CACNA1S: variants seen among roughly 807,000 people sequenced by gnomAD.
CACNA1S encodes the protein voltage-dependent L-type calcium channel subunit alpha-1S.
Under a neutral mutation model 207.4 loss-of-function variants are expected in CACNA1S, and 126 were observed. The ratio of observed to expected loss-of-function variants is 0.61; its 90% confidence interval spans 0.53 to 0.70. The LOEUF is 0.70. Among genes scored for constraint, CACNA1S ranks in the 30% least tolerant of loss-of-function variants. The pLI, the probability that CACNA1S is intolerant of heterozygous loss-of-function variation, is 0.00. For missense variants in CACNA1S, 2,349 were observed against 2,422.8 expected, an observed-to-expected ratio of 0.97 and a Z score of 0.64; for synonymous variants, 960 against 932.7, an observed-to-expected ratio of 1.03 and a Z score of -0.53.
chr1:201,063,570 T>C (rs1661143919), intron 22 of CACNA1S, among the ~76,000 whole-genome samples: 1 of 152,136 alleles, frequency 6.6e-6, no homozygotes, highest in African/African-American at 2.4e-5. Flanking sequence ...ATTACAGGCA[T>C]GAGCCACCGC....
intron 23 of CACNA1S, 130 bp from the exon 24 acceptor site, chr1:201,062,220 CGCT>C: frequency 8.2e-7 from 1 of 1,217,558 alleles, no homozygotes; most frequent in Non-Finnish European, 1.2e-6. Context: ...AAGGGGACAC[CGCT>C]GGGCGAGTCC....
At chr1:201,056,066 GACAGACACACAC>G (rs1660829598) in intron 28 of CACNA1S, among the ~76,000 whole-genome samples, 2 of 68,306 alleles carry the variant, frequency 2.9e-5, no homozygotes, top group African/African-American at 1.2e-4. Flanking sequence ...CAGACAGACA[GACAGACACACAC>G]ACACACACAC....
At chr1:201,088,232 C>G (rs542453751) in intron 6 of CACNA1S, among the ~76,000 whole-genome samples, 2 of 152,270 alleles carry the variant, frequency 1.3e-5, no homozygotes, top group Non-Finnish European at 2.9e-5. Context: ...CTTGATCTCC[C>G]TCATAGACTC....
At position 201,085,141 on chromosome 1, in the gene CACNA1S, A is replaced by T; in HGVS notation, c.1151-110T>A. On this transcript the variant is annotated intron_variant, in intron 8 of 43. Coordinates refer to ENST00000362061, the MANE Select transcript of CACNA1S (RefSeq NM_000069.3). ...CCATTGACCAGAGACATCTGCAACA[A>T]TGGGTCCTAGGTAGGCCTGGATTGC... is the stretch of plus-strand genomic sequence containing the variant. 3.6e-6 allele frequency: 3 copies of T among 826,346 alleles called. No individual in the cohort carries two copies. The South Asian group carries it at 4.1e-5, about 11-fold the overall frequency. The allele number at this position is 826,346 out of a possible 1,614,324, so 51.2% of individuals were successfully genotyped here. A position where few individuals can be genotyped will look rare whatever the true frequency, so the allele number is the denominator to read the frequency against.
At chr1:201,041,359 A>G (rs1268566127) in intron 41 of CACNA1S, 145 bp downstream of exon 41, 59 of 713,810 alleles carry the variant, frequency 8.3e-5, no homozygotes, top group Non-Finnish European at 1.3e-4. Context: ...TGGTTTTCCC[A>G]TTCCAGGGCC....
Position 201,061,302 on chromosome 1 carries a change from T to G in CACNA1S, c.3220A>C (p.Thr1074Pro). 6.2e-7 allele frequency: 1 copy of G among 1,614,094 alleles called. No individual in the cohort carries two copies. The highest frequency in any genetic ancestry group is 8.5e-7 in the Non-Finnish European group (1 of 1,180,026). Residue 1074 changes from threonine to proline, a missense_variant, in exon 25 of 44, where the codon ACT becomes CCT. Transcript: ENST00000362061. ...VIVTFQEQGE[T>P]EYKNCELDKN... The stretch of plus-strand genomic sequence containing the variant: ...TCCAGCTCACAGTTCTTGTACTCAG[T>G]CTCTCCCTGCTCCTGGAAGGTGACA...
In CACNA1S at chr1:201,054,650, G is replaced by T. The variant is rs1660773343; in HGVS notation, c.3610-89C>A. 7.8e-6 allele frequency: 7 copies of T among 896,472 alleles called. No individual in the cohort carries two copies. In the Admixed American group the frequency reaches 1.6e-4, roughly 20 times the overall value. The allele number at this position is 896,472 out of a possible 1,614,324, so 55.5% of individuals were successfully genotyped here. ...GGGAGGTGAAGAGACGTGTCAGAAAGGACAGACACACAGAAGAGTTAAAGA... is the reference window on the plus strand; with the variant it reads ...GGGAGGTGAAGAGACGTGTCAGAAATGACAGACACACAGAAGAGTTAAAGA... On this transcript the variant is annotated intron_variant, in intron 28 of 43. Coordinates refer to ENST00000362061, the MANE Select transcript of CACNA1S (RefSeq NM_000069.3).
chr1:201,062,160 G>T, intron 23 of CACNA1S, 70 bp from the exon 24 acceptor site: 1 of 1,566,896 alleles, frequency 6.4e-7, no homozygotes, highest in Non-Finnish European at 8.7e-7. Context: ...CATCCTCTGG[G>T]CCCTGGGTGG....
At chr1:201,075,103 C>A (rs946373319) in intron 13 of CACNA1S, among the ~76,000 whole-genome samples, 1 of 152,194 alleles carries the variant, frequency 6.6e-6, no homozygotes, top group Non-Finnish European at 1.5e-5. Context: ...CTGGTCCCAG[C>A]GCTCAGACTG....
At chr1:201,077,336 A>T (rs766757542) in intron 11 of CACNA1S, among the ~76,000 whole-genome samples, 2 of 152,228 alleles carry the variant, frequency 1.3e-5, no homozygotes, top group Non-Finnish European at 2.9e-5. Flanking sequence ...ACGCTGGTTA[A>T]TATGACTATT....
chr1:201,083,527 C>T (rs1156435407), intron 9 of CACNA1S, among the ~76,000 whole-genome samples: 1 of 152,196 alleles, frequency 6.6e-6, no homozygotes, highest in Non-Finnish European at 1.5e-5. Flanking sequence ...TGACACAAAC[C>T]TCCGAGGCAA....
chr1:201,078,282 CA>C (rs1427963200), intron 10 of CACNA1S, among the ~76,000 whole-genome samples, 178 bp from the exon 11 acceptor site: 1 of 152,102 alleles, frequency 6.6e-6, no homozygotes, highest in Non-Finnish European at 1.5e-5. Flanking sequence ...AGTGAAGTGG[CA>C]CAATTATGGC....
chr1:201,100,425 G>A (rs1373681296), intron 2 of CACNA1S, among the ~76,000 whole-genome samples: 1 of 152,238 alleles, frequency 6.6e-6, no homozygotes, highest in African/African-American at 2.4e-5. Flanking sequence ...TCAGCCTCCA[G>A]GTTTGGAAGA....
intron 16 of CACNA1S, 38 bp downstream of exon 16, chr1:201,072,717 C>T (rs1219738617): frequency 6.4e-7 from 1 of 1,551,140 alleles, no homozygotes. Context: ...CTACTTCACC[C>T]CAGCACCCTG....
chr1:201,087,477 G>A (rs1480547784), intron 7 of CACNA1S, among the ~76,000 whole-genome samples: 1 of 152,206 alleles, frequency 6.6e-6, no homozygotes, highest in South Asian at 2.1e-4. Context: ...TCACTGAGGA[G>A]TGTCAAAACA....
rs1472962903 is a variant in CACNA1S, at chr1:201,040,742, G to A, written c.5135-29C>T. The A allele has an allele frequency of 1.9e-6, 3 of 1,584,772 alleles. 1 individual carries two copies. The highest frequency in any genetic ancestry group is 3.6e-4 in the Middle Eastern group (2 of 5,550). On this transcript the variant is annotated intron_variant, in intron 41 of 43. Transcript: ENST00000362061. ...TATGCAAGAAGGGGCAAGGATAAGA[G>A]GGGCTGCTGACTCCTGCCAGGAGCC...
intron 28 of CACNA1S, among the ~76,000 whole-genome samples, chr1:201,054,863 G>T (rs1417179239): frequency 6.6e-6 from 1 of 152,184 alleles, no homozygotes; most frequent in Non-Finnish European, 1.5e-5. Flanking sequence ...GGTGGCAAGG[G>T]TTTGGGTTTT....
At chr1:201,100,635 G>A (rs1662617519) in intron 2 of CACNA1S, among the ~76,000 whole-genome samples, 1 of 152,166 alleles carries the variant, frequency 6.6e-6, no homozygotes, top group South Asian at 2.1e-4. Flanking sequence ...GGGTGGGCCA[G>A]ACACACCAGG....
chr1:201,078,884 A>T lies in CACNA1S; in HGVS notation c.1394-780T>A, dbSNP rs541818136. Among the ~76,000 whole-genome samples the T allele has an allele frequency of 2.6e-5, 4 of 152,228 alleles. No homozygotes were observed. In the East Asian group the frequency reaches 7.7e-4, roughly 29 times the overall value. ...ACACCTGTAATCCCAGCACTTTGGG[A>T]GGTCGAGGCGGGTGGATCACAAGGT... On this transcript the variant is annotated intron_variant, in intron 10 of 43. Transcript: ENST00000362061.
Sources: gnomAD v4.1 joint callset for allele counts (sites outside exome capture counted in the v4.1 genomes callset) on GRCh38, gnomAD v4.1.1 for gene constraint, MANE v1.5 for transcripts, NCBI Gene and HGNC (gene_info 2026-07-23, HGNC 2026-07-21) for gene names.